PRELID2: variants seen among roughly 807,000 people sequenced by gnomAD.
PRELID2 encodes PRELI domain containing 2.
PRELID2 carries 25 observed loss-of-function variants against 28.4 expected under a neutral mutation model. The observed-to-expected ratio is 0.88, with a 90% CI of 0.64 to 1.23. PRELID2 has a LOEUF of 1.23. Among genes scored for constraint, PRELID2 ranks in the 50% most tolerant of loss-of-function variants. The probability of loss-of-function intolerance (pLI) is 0.00; values close to 1 mark genes in which losing one functional copy is unlikely to be tolerated. For missense variants in PRELID2, 201 were observed against 214.4 expected (o/e 0.94, Z 0.39); for synonymous variants, 76 against 71.6 (o/e 1.06, Z -0.31).
At chr5:145,289,188 C>T in the PRELID2 span, among the ~76,000 whole-genome samples, 1 of 151,998 alleles carries the variant, frequency 6.6e-6, no homozygotes, top group Non-Finnish European at 1.5e-5. Flanking sequence ...CTGTAAAGTC[C>T]TATGGGTTTT....
At chr5:145,359,371 T>C in the PRELID2 span, among the ~76,000 whole-genome samples, 2 of 152,056 alleles carry the variant, frequency 1.3e-5, no homozygotes, top group Admixed American at 6.6e-5. Context: ...TCCATTAATC[T>C]CTCCCTGTTC....
chr5:145,473,479 A>T (rs1462776488), intron 1 of PRELID2, among the ~76,000 whole-genome samples: 1 of 152,198 alleles, frequency 6.6e-6, no homozygotes, highest in Non-Finnish European at 1.5e-5. Context: ...CAATATTAAG[A>T]GATGCTTACT....
At position 145,820,116 on chromosome 5, in the gene PRELID2, GTTTTTTGTTT is replaced by G. The variant is rs1456148932; in HGVS notation, c.134-108_134-99del. On this transcript the variant is annotated intron_variant, in intron 2 of 6. Transcript: ENST00000683046. ...CGGGGGTGGGGTTTTTTTGTTTTTT[GTTTTTTGTTT>G]TTTTTTTTTGAGACACCCAGGCTGG... The G allele has an allele frequency of 4.4e-5, 24 of 540,820 alleles. No homozygotes were observed. The African/African-American group carries it at 9.0e-4, about 20-fold the overall frequency. 33.5% of individuals were successfully genotyped at this position (540,820 alleles called of 1,614,324 possible).
At chr5:145,487,746 T>A (rs1752230518) in intron 1 of PRELID2, among the ~76,000 whole-genome samples, 1 of 152,170 alleles carries the variant, frequency 6.6e-6, no homozygotes, top group Non-Finnish European at 1.5e-5. Flanking sequence ...AGGAAGGGTA[T>A]CAGGTTTAGT....
chr5:145,514,232 G>A (rs530896270), intron 1 of PRELID2, among the ~76,000 whole-genome samples: 9 of 151,090 alleles, frequency 6.0e-5, no homozygotes, highest in Non-Finnish European at 1.3e-4. Flanking sequence ...TCAGTGTGCT[G>A]TATTCGGGAG....
At chr5:145,305,953 C>G in the PRELID2 span, among the ~76,000 whole-genome samples, 3 of 152,238 alleles carry the variant, frequency 2.0e-5, no homozygotes, top group Non-Finnish European at 2.9e-5. Context: ...CAGGATTCTA[C>G]CGGTGGGAAC....
chr5:145,332,821 T>C, the PRELID2 span, among the ~76,000 whole-genome samples: 2 of 152,090 alleles, frequency 1.3e-5, no homozygotes, highest in Non-Finnish European at 2.9e-5. Context: ...TGGCAAGGAA[T>C]TGTAATCCTT....
intron 1 of PRELID2, among the ~76,000 whole-genome samples, chr5:145,540,247 C>T (rs1580971954): frequency 6.6e-6 from 1 of 151,986 alleles, no homozygotes; most frequent in East Asian, 1.9e-4. Context: ...ATATGTTCCT[C>T]CATCTATCCA....
chr5:145,527,686 C>A (rs1380602902), intron 1 of PRELID2, among the ~76,000 whole-genome samples: 1 of 152,136 alleles, frequency 6.6e-6, no homozygotes, highest in Non-Finnish European at 1.5e-5. Context: ...CAGTGCAAAT[C>A]CTGACTCCAC....
the PRELID2 span, among the ~76,000 whole-genome samples, chr5:145,275,872 C>T: frequency 6.6e-6 from 1 of 152,120 alleles, no homozygotes; most frequent in East Asian, 1.9e-4. Flanking sequence ...CTCTGTGTAT[C>T]ATCATCCTCA....
At chr5:145,590,151 A>G (rs760318251) in intron 1 of PRELID2, among the ~76,000 whole-genome samples, 1 of 152,080 alleles carries the variant, frequency 6.6e-6, no homozygotes, top group Non-Finnish European at 1.5e-5. Flanking sequence ...TATTCTTAAA[A>G]ACTAAGCTAT....
At chr5:145,827,740 G>C (rs1306555559) in intron 1 of PRELID2, among the ~76,000 whole-genome samples, 4 of 152,102 alleles carry the variant, frequency 2.6e-5, no homozygotes, top group Non-Finnish European at 5.9e-5. Context: ...ACAAATAACT[G>C]CCCAGCACTC....
chr5:145,700,707 C>T (rs755610472), intron 1 of PRELID2, among the ~76,000 whole-genome samples: 2 of 152,178 alleles, frequency 1.3e-5, no homozygotes, highest in African/African-American at 2.4e-5. Context: ...GTATTCGTCT[C>T]GGCCCTGGGG....
chr5:145,549,238 G>A (rs536561677), intron 1 of PRELID2, among the ~76,000 whole-genome samples: 2 of 152,286 alleles, frequency 1.3e-5, no homozygotes, highest in South Asian at 4.2e-4. Context: ...TGACAGGAGA[G>A]ATCAAGTCTA....
At chr5:145,612,506 G>A (rs1416535621) in intron 1 of PRELID2, among the ~76,000 whole-genome samples, 2 of 151,874 alleles carry the variant, frequency 1.3e-5, no homozygotes, top group Admixed American at 1.3e-4. Context: ...GTGGTGTTTG[G>A]TTACATGAGC....
the PRELID2 span, among the ~76,000 whole-genome samples, chr5:145,234,112 C>G: frequency 6.6e-6 from 1 of 152,060 alleles, no homozygotes; most frequent in African/African-American, 2.4e-5. Context: ...TATAAGTTAC[C>G]AATAATTTTT....
intron 4 of PRELID2, among the ~76,000 whole-genome samples, chr5:145,798,468 T>C (rs1752910439): frequency 6.6e-6 from 1 of 152,192 alleles, no homozygotes; most frequent in Non-Finnish European, 1.5e-5. Flanking sequence ...AGTGTGGTGA[T>C]TCCTCAAGGA....
chr5:145,462,807 G>T, the PRELID2 span, among the ~76,000 whole-genome samples: 1 of 152,234 alleles, frequency 6.6e-6, no homozygotes, highest in Non-Finnish European at 1.5e-5. Context: ...TCAAGTGACT[G>T]CTGTTTCTAG....
At chr5:145,636,032 G>A (rs1428310663) in intron 1 of PRELID2, among the ~76,000 whole-genome samples, 1 of 152,174 alleles carries the variant, frequency 6.6e-6, no homozygotes, top group Non-Finnish European at 1.5e-5. Flanking sequence ...GACCATTGAA[G>A]GCAACATGGT....
Sources: gnomAD v4.1 joint callset for allele counts (sites outside exome capture counted in the v4.1 genomes callset) on GRCh38, gnomAD v4.1.1 for gene constraint, MANE v1.5 for transcripts, NCBI Gene and HGNC (gene_info 2026-07-23, HGNC 2026-07-21) for gene names.